Variants in CCSER1 observed in about 807,000 individuals in gnomAD.
CCSER1 encodes the protein coiled-coil serine rich protein 1.
Under a neutral mutation model 82.0 loss-of-function variants are expected in CCSER1, and 41 were observed. That is an observed-to-expected ratio of 0.50 (90% CI 0.39 to 0.65). The LOEUF (loss-of-function observed/expected upper bound fraction) is 0.65. Ranked by LOEUF, CCSER1 falls within the 30% of genes least tolerant of loss-of-function variation. The pLI, the probability that CCSER1 is intolerant of heterozygous loss-of-function variation, is 0.00. For missense variants in CCSER1, 1,119 were observed against 1,064.2 expected, an observed-to-expected ratio of 1.05 and a Z score of -0.72; for synonymous variants, 414 against 383.9, an observed-to-expected ratio of 1.08 and a Z score of -0.92.
intron 1 of CCSER1, among the ~76,000 whole-genome samples, chr4:90,280,823 A>G (rs1728723339): frequency 6.6e-6 from 1 of 151,990 alleles, no homozygotes; most frequent in Admixed American, 6.6e-5. Flanking sequence ...TTGGTTAAAG[A>G]ACCATTGGAA....
chr4:90,891,217 T>A (rs1157646813), intron 8 of CCSER1, among the ~76,000 whole-genome samples: 1 of 151,716 alleles, frequency 6.6e-6, no homozygotes, highest in East Asian at 1.9e-4. Context: ...GTCTTATGAA[T>A]GTATTTTAAA....
At position 90,649,925 on chromosome 4, in the gene CCSER1, C is replaced by T. The variant is rs557502903; in HGVS notation, c.1932+21693C>T. 3.9e-5 allele frequency among the ~76,000 whole-genome samples: 6 copies of T among 151,962 alleles called. No homozygotes were observed. In the South Asian group the frequency reaches 8.3e-4, roughly 21 times the overall value. On this transcript the variant is annotated intron_variant, in intron 6 of 10. Transcript: ENST00000509176. ...TTTGAGACCAGCCTGGCCAAAATGG[C>T]GAAACCCCATCTCTGCTAAACAAAA...
intron 5 of CCSER1, among the ~76,000 whole-genome samples, chr4:90,575,591 C>T (rs1397863123): frequency 6.6e-6 from 1 of 152,152 alleles, no homozygotes; most frequent in African/African-American, 2.4e-5. Flanking sequence ...TAATAAATAC[C>T]TGAACCAAAC....
At chr4:90,566,980 A>G (rs1386729940) in intron 5 of CCSER1, among the ~76,000 whole-genome samples, 4 of 150,940 alleles carry the variant, frequency 2.7e-5, no homozygotes, top group Non-Finnish European at 5.9e-5. Flanking sequence ...CTTTTCTGTT[A>G]GCTTAGCTAA....
At chr4:90,266,676 A>C (rs564755030) in intron 1 of CCSER1, among the ~76,000 whole-genome samples, 1 of 152,216 alleles carries the variant, frequency 6.6e-6, no homozygotes, top group South Asian at 2.1e-4. Context: ...AGGGAGAGTG[A>C]GCAATCAGGA....
At chr4:90,686,454 C>G (rs1005662162) in intron 6 of CCSER1, among the ~76,000 whole-genome samples, 20 of 151,880 alleles carry the variant, frequency 1.3e-4, no homozygotes, top group Admixed American at 1.1e-3. Context: ...TATCCATTAT[C>G]CCATCTCTGC....
Position 91,601,906 on chromosome 4 carries a change from A to T in CCSER1, c.*2849A>T, listed in dbSNP as rs1408558915. 1.3e-5 allele frequency: 2 copies of T among 152,076 alleles called. No homozygotes were observed. Among genetic ancestry groups the T allele is most frequent in the Non-Finnish European group, 1.5e-5 (1 of 67,952 alleles). The allele number at this position is 152,076 out of a possible 1,614,324, so 9.4% of individuals were successfully genotyped here. A position where few individuals can be genotyped will look rare whatever the true frequency, so the allele number is the denominator to read the frequency against. ...CCATTTTTATAATTATTGGAACATG[A>T]AACTGTATTTCTATGAACTCAATGA... On this transcript the variant is annotated 3_prime_UTR_variant, in exon 11 of 11. Coordinates refer to ENST00000509176, the MANE Select transcript of CCSER1 (RefSeq NM_001145065.2).
intron 10 of CCSER1, among the ~76,000 whole-genome samples, chr4:91,356,668 G>A (rs574712035): frequency 2.6e-5 from 4 of 152,248 alleles, no homozygotes; most frequent in African/African-American, 4.8e-5. Flanking sequence ...AAATCCACTC[G>A]GGGATGAACA....
chr4:90,672,773 G>A (rs1038401197), intron 6 of CCSER1, among the ~76,000 whole-genome samples: 8 of 151,842 alleles, frequency 5.3e-5, no homozygotes, highest in African/African-American at 9.7e-5. Flanking sequence ...ACACTTAGAC[G>A]CCATTGTAGC....
chr4:91,548,331 T>A (rs1761989732), intron 10 of CCSER1, among the ~76,000 whole-genome samples: 1 of 152,276 alleles, frequency 6.6e-6, no homozygotes, highest in Middle Eastern at 3.4e-3. Flanking sequence ...ATTTTATTTA[T>A]ACACGGTCAT....
intron 5 of CCSER1, among the ~76,000 whole-genome samples, chr4:90,602,741 G>C (rs1415769695): frequency 6.6e-6 from 1 of 152,128 alleles, no homozygotes; most frequent in African/African-American, 2.4e-5. Context: ...AAGTCTCATG[G>C]GGACAATATA....
At chr4:91,081,746 A>G (rs1226632237) in intron 9 of CCSER1, among the ~76,000 whole-genome samples, 2 of 152,220 alleles carry the variant, frequency 1.3e-5, no homozygotes, top group Non-Finnish European at 2.9e-5. Flanking sequence ...TGCAAAAATC[A>G]CAAGCATTCT....
chr4:90,449,534 C>T (rs1049778128), intron 4 of CCSER1, among the ~76,000 whole-genome samples: 87 of 152,292 alleles, frequency 5.7e-4, no homozygotes, highest in African/African-American at 1.5e-3. Context: ...CTGTTTCTGC[C>T]GAGGAGTGCC....
chr4:90,313,244 G>C (rs920524531), intron 3 of CCSER1, among the ~76,000 whole-genome samples, 197 bp downstream of exon 3: 3 of 152,166 alleles, frequency 2.0e-5, no homozygotes, highest in Non-Finnish European at 4.4e-5. Flanking sequence ...CATGACAGCT[G>C]TCTTTAGTTC....
intron 6 of CCSER1, among the ~76,000 whole-genome samples, chr4:90,667,923 T>C (rs1732111873): frequency 6.6e-6 from 1 of 152,192 alleles, no homozygotes; most frequent in Non-Finnish European, 1.5e-5. Flanking sequence ...CTAAACTTAA[T>C]AATTTTGTGT....
chr4:91,465,620 G>C (rs1211569606), intron 10 of CCSER1, among the ~76,000 whole-genome samples: 1 of 151,860 alleles, frequency 6.6e-6, no homozygotes, highest in South Asian at 2.1e-4. Flanking sequence ...ACTAGTAAAG[G>C]AGAAAAGAGA....
chr4:91,059,991 C>T (rs1274323884), intron 9 of CCSER1, among the ~76,000 whole-genome samples: 1 of 152,020 alleles, frequency 6.6e-6, no homozygotes, highest in Non-Finnish European at 1.5e-5. Context: ...ATTCTCTTGT[C>T]ATAGGTCAGG....
At chr4:91,508,160 G>T (rs1373014072) in intron 10 of CCSER1, among the ~76,000 whole-genome samples, 82 of 100,508 alleles carry the variant, frequency 8.2e-4, no homozygotes, top group South Asian at 1.4e-3. Context: ...TTTTTTTTCT[G>T]GGTTTTTTTT....
chr4:90,446,887 C>T (rs1760738618), intron 4 of CCSER1, among the ~76,000 whole-genome samples: 1 of 152,128 alleles, frequency 6.6e-6, no homozygotes, highest in African/African-American at 2.4e-5. Flanking sequence ...TATGATGATC[C>T]ACTTCCACTC....
Sources: gnomAD v4.1 joint callset for allele counts (sites outside exome capture counted in the v4.1 genomes callset) on GRCh38, gnomAD v4.1.1 for gene constraint, MANE v1.5 for transcripts, NCBI Gene and HGNC (gene_info 2026-07-23, HGNC 2026-07-21) for gene names.